The following SLC25A28 variants were observed in gnomAD, a reference collection of about 807,000 sequenced individuals.
SLC25A28 encodes the protein mitoferrin-2.
SLC25A28 carries 10 observed loss-of-function variants against 31.9 expected under a neutral mutation model. That is an observed-to-expected ratio of 0.31 (90% confidence interval 0.19 to 0.53). The LOEUF is 0.53. Ranked by LOEUF, SLC25A28 falls within the 20% of genes least tolerant of loss-of-function variation. The pLI, the probability that SLC25A28 is intolerant of heterozygous loss-of-function variation, is 0.95. For synonymous variants in SLC25A28, 208 were observed against 203.6 expected, an observed-to-expected ratio of 1.02 and a Z score of -0.19; for missense variants, 256 against 490.3, an observed-to-expected ratio of 0.52 and a Z score of 4.51.
chr10:99,656,867 TTGCCCTGC>T, the SLC25A28 span, among the ~76,000 whole-genome samples: 1 of 152,242 alleles, frequency 6.6e-6, no homozygotes, highest in Non-Finnish European at 1.5e-5. Context: ...GCTTTTTAAT[TTGCCCTGC>T]TGACTGGAAA....
chr10:99,621,017 C>T (rs1214632581), upstream of SLC25A28: 5 of 978,222 alleles, frequency 5.1e-6, no homozygotes, highest in Non-Finnish European at 6.1e-6. Context: ...CCCGGAGAGC[C>T]GTGTTCCCGC....
At chr10:99,624,167 C>CCTTCCTTCCTTTTTTT (rs1296229355), upstream of SLC25A28, among the ~76,000 whole-genome samples, 1 of 145,374 alleles carries the variant, frequency 6.9e-6, no homozygotes, top group Non-Finnish European at 1.5e-5. Flanking sequence ...CTTCCTTTCT[C>CCTTCCTTCCTTTTTTT]CTTCCTTCCT....
At chr10:99,650,661 G>C in the SLC25A28 span, among the ~76,000 whole-genome samples, 1 of 151,656 alleles carries the variant, frequency 6.6e-6, no homozygotes, top group African/African-American at 2.4e-5. Context: ...GCAGCCCACT[G>C]CAGGGCAGTG....
In SLC25A28 at chr10:99,612,583, C is replaced by T. The variant is rs1253133209; in HGVS notation, c.537G>A (p.Val179=). 2.5e-6 allele frequency: 4 copies of T among 1,614,034 alleles called. No individual in the cohort carries two copies. Among genetic ancestry groups the T allele is most frequent in the Admixed American group, 3.3e-5 (2 of 59,994 alleles). The change falls in exon 3 of 4, where the codon GTG becomes GTA. Residue 179 remains valine, a synonymous_variant. Coordinates refer to ENST00000370495, the MANE Select transcript of SLC25A28 (RefSeq NM_031212.4). ...SHIANGAAGC[V]ATLLHDAAMN... is the part of the protein sequence containing the mutation. ...TGGCTGCATCATGAAGTAATGTTGC[C>T]ACACACCCGGCCGCACCTGCAAACA... is the stretch of plus-strand genomic sequence containing the variant.
chr10:99,625,895 GT>G, the SLC25A28 span, among the ~76,000 whole-genome samples: 1 of 152,212 alleles, frequency 6.6e-6, no homozygotes, highest in African/African-American at 2.4e-5. Context: ...GAAGAAACCT[GT>G]GTCCTTAACA....
At chr10:99,625,503 C>T (rs897880714), upstream of SLC25A28, among the ~76,000 whole-genome samples, 5 of 152,042 alleles carry the variant, frequency 3.3e-5, no homozygotes, top group Admixed American at 2.0e-4. Flanking sequence ...GCTGGCTTCA[C>T]CTCTCATTCC....
At chr10:99,656,231 A>G in the SLC25A28 span, among the ~76,000 whole-genome samples, 1 of 152,126 alleles carries the variant, frequency 6.6e-6, no homozygotes, top group Non-Finnish European at 1.5e-5. Flanking sequence ...ATCAAGGGGC[A>G]CTCAGGAGGG....
At position 99,610,919 on chromosome 10, in the gene SLC25A28, G is replaced by A. The variant is rs779622182; in HGVS notation, c.1025C>T (p.Ala342Val). Reference protein sequence around the residue: ...VIYQIPSTAIAWSVYEFFKYL... With the variant: ...VIYQIPSTAIVWSVYEFFKYL... The stretch of plus-strand genomic sequence containing the variant: ...TTTGAAGAACTCATACACAGACCAT[G>A]CGATGGCTGTGGAGGGGATCTGGTA... Residue 342 changes from alanine (A) to valine (V), a missense_variant, in exon 4 of 4, where the codon GCA (alanine) becomes GTA (valine). Ala to Val is a moderately conservative substitution (Grantham distance 64). This residue lies in a region of SLC25A28 where 158 missense variants were observed against 379.1 expected (regional missense o/e 0.42). Coordinates refer to ENST00000370495, the MANE Select transcript of SLC25A28 (RefSeq NM_031212.4). 37 of 1,614,094 alleles carry A rather than the reference G, an allele frequency of 2.3e-5. No individual in the cohort carries two copies. The highest frequency in any genetic ancestry group is 3.1e-5 in the Non-Finnish European group (36 of 1,180,052).
At chr10:99,640,217 A>T in the SLC25A28 span, among the ~76,000 whole-genome samples, 1 of 152,358 alleles carries the variant, frequency 6.6e-6, no homozygotes, top group Non-Finnish European at 1.5e-5. Context: ...AATATTAATT[A>T]TAAGTTTCCT....
chr10:99,654,627 G>T, the SLC25A28 span, among the ~76,000 whole-genome samples: 1 of 151,282 alleles, frequency 6.6e-6, no homozygotes, highest in Non-Finnish European at 1.5e-5. Flanking sequence ...CCACACTCCA[G>T]CCTGAGTAAC....
At chr10:99,632,881 T>G in the SLC25A28 span, among the ~76,000 whole-genome samples, 2 of 152,210 alleles carry the variant, frequency 1.3e-5, no homozygotes, top group Admixed American at 6.5e-5. Flanking sequence ...GTATCATAAA[T>G]AGTAGACCAA....
chr10:99,656,792 T>C, the SLC25A28 span, among the ~76,000 whole-genome samples: 1 of 152,258 alleles, frequency 6.6e-6, no homozygotes, highest in African/African-American at 2.4e-5. Flanking sequence ...TTTTGAAACA[T>C]AGGTTTCTAT....
intron 1 of SLC25A28, 138 bp downstream of exon 1, chr10:99,619,907 G>T: frequency 1.2e-6 from 1 of 855,814 alleles, no homozygotes; most frequent in Non-Finnish European, 1.6e-6. Context: ...TGGAGTGTCG[G>T]TTCGAATCAT....
upstream of SLC25A28, among the ~76,000 whole-genome samples, chr10:99,625,224 G>A (rs1181953570): frequency 6.6e-6 from 1 of 152,028 alleles, no homozygotes; most frequent in African/African-American, 2.4e-5. Context: ...TCTGAAGAGT[G>A]AAAGAACAAA....
At chr10:99,644,218 T>C in the SLC25A28 span, among the ~76,000 whole-genome samples, 1 of 152,206 alleles carries the variant, frequency 6.6e-6, no homozygotes, top group Non-Finnish European at 1.5e-5. Flanking sequence ...TTTGTAGGTC[T>C]CTAAGGACTT....
the SLC25A28 span, among the ~76,000 whole-genome samples, chr10:99,654,530 C>T: frequency 0.014 from 2,180 of 152,128 alleles, 62 homozygotes; most frequent in African/African-American, 0.049. Context: ...GGTGTGGTGA[C>T]GTGTGCCTGT....
At position 99,620,214 on chromosome 10, in the gene SLC25A28, G is replaced by A; in HGVS notation, c.122C>T (p.Ala41Val). 7.2e-7 allele frequency: 1 copy of A among 1,396,546 alleles called. No individual in the cohort carries two copies. The highest frequency in any genetic ancestry group is 1.5e-5 in the South Asian group (1 of 68,510). 86.5% of individuals were successfully genotyped at this position (1,396,546 alleles called of 1,614,324 possible). A position where few individuals can be genotyped will look rare whatever the true frequency, so the allele number is the denominator to read the frequency against. ...GCAGGCCCCGGCCTCCCCGCCGCCG[G>A]CCCCCCGGCCCACGCCCCGCTGCAG... ...GWLQRGVGRG[A>V]GGGEAGACRP... Residue 41 changes from alanine (A) to valine (V), a missense_variant, in exon 1 of 4, where the codon GCC becomes GTC. Coordinates refer to ENST00000370495, the MANE Select transcript of SLC25A28 (RefSeq NM_031212.4).
At chr10:99,635,200 G>T in the SLC25A28 span, among the ~76,000 whole-genome samples, 1 of 152,086 alleles carries the variant, frequency 6.6e-6, no homozygotes, top group African/African-American at 2.4e-5. Context: ...TCTCTTTAAA[G>T]CATAAATCAC....
chr10:99,648,745 C>T, the SLC25A28 span, among the ~76,000 whole-genome samples: 1 of 126,620 alleles, frequency 7.9e-6, no homozygotes, highest in Non-Finnish European at 1.6e-5. Context: ...ATTTGGTCAT[C>T]AGCTAGATTG....
Sources: gnomAD v4.1 joint callset for allele counts (sites outside exome capture counted in the v4.1 genomes callset) on GRCh38, gnomAD v4.1.1 for gene constraint, gnomAD v4.1.1 regional missense constraint, MANE v1.5 for transcripts, NCBI Gene and HGNC (gene_info 2026-07-23, HGNC 2026-07-21) for gene names.